The following PPP1R42 variants were observed in gnomAD, a reference collection of about 807,000 sequenced individuals.
PPP1R42 encodes protein phosphatase 1 regulatory subunit 42.
Under a neutral mutation model 31.0 loss-of-function variants are expected in PPP1R42, and 34 were observed. The observed-to-expected ratio is 1.10, with a 90% CI of 0.83 to 1.46. The LOEUF (loss-of-function observed/expected upper bound fraction) is 1.46, where lower values mean the gene tolerates loss of function less well. PPP1R42 is among the 40% of genes most tolerant of loss of function. The probability of loss-of-function intolerance (pLI) is 0.00; values close to 1 mark genes in which losing one functional copy is unlikely to be tolerated. For synonymous variants in PPP1R42, 103 were observed against 109.8 expected (o/e 0.94, Z 0.39); for missense variants, 268 against 303.0 (o/e 0.88, Z 0.86).
intron 5 of PPP1R42, among the ~76,000 whole-genome samples, chr8:66,992,902 G>A (rs1174192470): frequency 1.3e-5 from 2 of 152,266 alleles, no homozygotes; most frequent in Admixed American, 6.5e-5. Context: ...CAATCTTGTC[G>A]ATGATAGTAG....
rs185163494 is a variant in PPP1R42 at position 66,992,713 on chromosome 8, T to C, written c.553-4196A>G. 2.0e-5 allele frequency among the ~76,000 whole-genome samples: 3 copies of C among 152,328 alleles called. No homozygotes were observed. The East Asian group carries it at 5.8e-4, about 29-fold the overall frequency. ...AAAAAAGTTTGCCTCCCGTAACCCA[T>C]TGCCTTCTCTATTTATACTTAGACC... is the stretch of plus-strand genomic sequence containing the variant. On this transcript the variant is annotated intron_variant, in intron 5 of 7. Transcript: ENST00000685739.
rs1298963591 is a variant in PPP1R42 at position 67,014,601 on chromosome 8, G to A, written c.130-9C>T. 1 of 1,504,540 alleles carries A rather than the reference G, an allele frequency of 6.6e-7. No individual in the cohort carries two copies. The highest frequency in any genetic ancestry group is 8.9e-7 in the Non-Finnish European group (1 of 1,117,744). 93.2% of individuals were successfully genotyped at this position (1,504,540 alleles called of 1,614,324 possible). ...CAAAGAGAGAGGTCTTCCTAAAAGGGAAACAAAAACATGTCAAATGTAATT... is the reference window on the plus strand; with the variant it reads ...CAAAGAGAGAGGTCTTCCTAAAAGGAAAACAAAAACATGTCAAATGTAATT... On this transcript the variant is annotated splice_polypyrimidine_tract_variant and intron_variant, in intron 2 of 7. Transcript: ENST00000685739.
At chr8:66,989,640 A>C (rs982690521) in intron 5 of PPP1R42, among the ~76,000 whole-genome samples, 2 of 152,220 alleles carry the variant, frequency 1.3e-5, no homozygotes, top group Non-Finnish European at 2.9e-5. Context: ...ATGGGAGTGC[A>C]CATGTTGCTT....
At chr8:66,969,434 C>T (rs1014558138) in intron 7 of PPP1R42, among the ~76,000 whole-genome samples, 1 of 152,180 alleles carries the variant, frequency 6.6e-6, no homozygotes, top group African/African-American at 2.4e-5. Context: ...TGGACATAAG[C>T]AGTAAATGTC....
In PPP1R42 at chr8:67,012,978, T is replaced by G. The variant is rs1256730308; in HGVS notation, c.415A>C (p.Arg139=). 4 of 1,609,282 alleles carry G rather than the reference T, an allele frequency of 2.5e-6. No individual in the cohort carries two copies. In the Admixed American group the frequency reaches 5.1e-5, roughly 21 times the overall value. The change falls in exon 4 of 8, where the codon AGA becomes CGA. Residue 139 remains arginine (R), a synonymous_variant. Transcript: ENST00000685739. ...CTTACTGCCAGAGAATGAAGAGTTC[T>G]TGGATCAAACAGAAGCTTTTCCCCA... ...PLGEKLLFDP[R]TLHSLAKSLC... is the part of the protein sequence containing the mutation.
At chr8:67,004,556 T>C (rs1292908049) in intron 5 of PPP1R42, among the ~76,000 whole-genome samples, 1 of 152,228 alleles carries the variant, frequency 6.6e-6, no homozygotes, top group African/African-American at 2.4e-5. Flanking sequence ...ATATTTAATT[T>C]CCTCATCCTA....
Position 67,004,941 on chromosome 8 carries a change from G to C in PPP1R42, c.552+5774C>G, listed in dbSNP as rs141530651. Among the ~76,000 whole-genome samples the C allele has an allele frequency of 1.5e-3, 232 of 152,160 alleles. 1 individual carries two copies. Among genetic ancestry groups the C allele is most frequent in the African/African-American group, 5.3e-3 (218 of 41,520 alleles). Reference sequence around the variant, plus strand: ...TCAGGATTGGGAGATGTTTTCTCTTGAGCTAGTCAGTTTCCCTAAAGAGGA... The same window carrying C: ...TCAGGATTGGGAGATGTTTTCTCTTCAGCTAGTCAGTTTCCCTAAAGAGGA... On this transcript the variant is annotated intron_variant, in intron 5 of 7. Transcript: ENST00000685739.
chr8:66,992,776 T>G (rs1317536192), intron 5 of PPP1R42, among the ~76,000 whole-genome samples: 1 of 152,176 alleles, frequency 6.6e-6, no homozygotes, highest in Non-Finnish European at 1.5e-5. Flanking sequence ...ATGATAATAG[T>G]CAAACTTCTG....
chr8:67,016,955 T>C (rs939559498), intron 2 of PPP1R42, among the ~76,000 whole-genome samples: 1 of 152,194 alleles, frequency 6.6e-6, no homozygotes, highest in African/African-American at 2.4e-5. Context: ...TTCAAGGTTT[T>C]ACAATAATAC....
intron 5 of PPP1R42, among the ~76,000 whole-genome samples, chr8:66,994,624 T>G (rs570066214): frequency 1.0e-3 from 153 of 152,218 alleles, no homozygotes; most frequent in Non-Finnish European, 2.0e-3. Flanking sequence ...GAAGACAATT[T>G]GTAGATACAC....
At chr8:67,003,386 C>T (rs1815567067) in intron 5 of PPP1R42, among the ~76,000 whole-genome samples, 6 of 88,916 alleles carry the variant, frequency 6.7e-5, no homozygotes, top group South Asian at 3.7e-4. Flanking sequence ...CATTTTCATG[C>T]TTCTTTTTTT....
Position 67,012,999 on chromosome 8 carries a change from C to T in PPP1R42, c.394G>A (p.Glu132Lys). 6.2e-7 allele frequency: 1 copy of T among 1,612,034 alleles called. No homozygotes were observed. The change falls in exon 4 of 8, where the codon GAA becomes AAA. Residue 132 changes from glutamate (E) to lysine (K), a missense_variant. Physicochemically the swap from Glu to Lys is moderately conservative, Grantham distance 56. Transcript: ENST00000685739. ...GTTCTTGGATCAAACAGAAGCTTTTCCCCAAGGGGAAGCCTCTGATTCTCA... is the reference window on the plus strand; with the variant it reads ...GTTCTTGGATCAAACAGAAGCTTTTTCCCAAGGGGAAGCCTCTGATTCTCA... ...HVENQRLPLG[E>K]KLLFDPRTLH...
chr8:66,986,971 C>T (rs1420199671), intron 6 of PPP1R42, among the ~76,000 whole-genome samples: 1 of 152,066 alleles, frequency 6.6e-6, no homozygotes, highest in Non-Finnish European at 1.5e-5. Context: ...CGAGACCAGC[C>T]TGGCCAACAT....
At chr8:66,981,926 C>A (rs909760570) in intron 7 of PPP1R42, 123 bp downstream of exon 7, 8 of 1,027,396 alleles carry the variant, frequency 7.8e-6, no homozygotes, top group Middle Eastern at 3.4e-4. Flanking sequence ...TTTTAAAAAA[C>A]CCCATAAAAC....
At chr8:66,985,198 C>T in intron 6 of PPP1R42, 2 of 1,130,094 alleles carry the variant, frequency 1.8e-6, no homozygotes, top group Non-Finnish European at 1.3e-6. Flanking sequence ...AGCCTTTGTC[C>T]TTAATCGCTG....
chr8:66,991,911 T>A (rs1201969832), intron 5 of PPP1R42, among the ~76,000 whole-genome samples: 1 of 152,196 alleles, frequency 6.6e-6, no homozygotes, highest in African/African-American at 2.4e-5. Context: ...AAGCCGAGAT[T>A]CTGCATTTCT....
intron 6 of PPP1R42, among the ~76,000 whole-genome samples, chr8:66,982,951 C>CTT (rs199626734): frequency 2.2e-5 from 3 of 136,310 alleles, no homozygotes; most frequent in Non-Finnish European, 3.2e-5. Flanking sequence ...TAATTAAAAG[C>CTT]TTTTTTTTTT....
chr8:67,019,066 G>A (rs1239326979), intron 1 of PPP1R42, among the ~76,000 whole-genome samples: 2 of 148,414 alleles, frequency 1.3e-5, no homozygotes, highest in Admixed American at 1.4e-4. Context: ...GAACTCCTGA[G>A]CTCAGGCAAT....
At position 67,017,740 on chromosome 8, in the gene PPP1R42, C is replaced by T. The variant is rs779725565; in HGVS notation, c.8G>A (p.Arg3Gln). 19 of 1,582,692 alleles carry T rather than the reference C, an allele frequency of 1.2e-5. No individual in the cohort carries two copies. Among genetic ancestry groups the T allele is most frequent in the Middle Eastern group, 1.7e-4 (1 of 5,880 alleles). MV[R>Q]LTLDLIARNS... is the part of the protein sequence containing the mutation. ...TCTGGCAATTAGATCCAAGGTCAGT[C>T]GAACCATAATTTCTTTATAAATCAA... The change falls in exon 2 of 8, where the codon CGA (arginine) becomes CAA (glutamine). Residue 3 changes from arginine to glutamine, a missense_variant. Transcript: ENST00000685739.
Sources: allele counts gnomAD v4.1 joint callset (sites outside exome capture counted in the v4.1 genomes callset), GRCh38; gene constraint gnomAD v4.1.1; transcripts MANE v1.5; gene names NCBI Gene and HGNC (gene_info 2026-07-23, HGNC 2026-07-21).